The following GON4L variants were observed in gnomAD, a reference collection of about 807,000 sequenced individuals.
The protein encoded by GON4L is GON-4-like protein.
In GON4L, 87 loss-of-function variants were observed where a neutral mutation model predicts 211.8. The ratio of observed to expected loss-of-function variants is 0.41; its 90% confidence interval spans 0.35 to 0.49. GON4L has a LOEUF of 0.49. GON4L is among the 20% of genes least tolerant of loss of function. The probability of loss-of-function intolerance (pLI) is 0.15; values close to 1 mark genes in which losing one functional copy is unlikely to be tolerated. For missense variants in GON4L, 2,155 were observed against 2,659.5 expected (o/e 0.81, Z 4.17); for synonymous variants, 875 against 962.6 (o/e 0.91, Z 1.68).
intron 27 of GON4L, among the ~76,000 whole-genome samples, chr1:155,756,319 C>A (rs1488231949): frequency 1.3e-5 from 2 of 152,044 alleles, no homozygotes; most frequent in Non-Finnish European, 2.9e-5. Flanking sequence ...CCTCAATTGG[C>A]TCTATTTTCT....
chr1:155,813,542 T>C, intron 10 of GON4L, 92 bp downstream of exon 10: 1 of 918,714 alleles, frequency 1.1e-6, no homozygotes, highest in South Asian at 1.3e-5. Context: ...TTATATAAAA[T>C]TGTAGTTATC....
intron 23 of GON4L, among the ~76,000 whole-genome samples, chr1:155,761,497 A>AT (rs534585899): frequency 0.072 from 9,267 of 129,342 alleles, 403 homozygotes; most frequent in African/African-American, 0.12. Flanking sequence ...AGCCTGGTTC[A>AT]TTTTTTTTTT....
intron 17 of GON4L, 71 bp from the exon 18 acceptor site, chr1:155,773,281 C>T (rs1470881449): frequency 7.6e-6 from 12 of 1,570,886 alleles, no homozygotes; most frequent in African/African-American, 1.4e-5. Context: ...CCTGTGAATG[C>T]ATTTTTGCAT....
intron 9 of GON4L, 45 bp downstream of exon 9, chr1:155,814,285 T>A: frequency 6.4e-6 from 10 of 1,560,300 alleles, no homozygotes; most frequent in Non-Finnish European, 8.8e-6. Context: ...AAAAATCTAC[T>A]TAGACAGTTA....
At chr1:155,748,929 T>G, downstream of GON4L, 2 of 876,946 alleles carry the variant, frequency 2.3e-6, no homozygotes, top group Non-Finnish European at 3.5e-6. Context: ...AATATCTTGA[T>G]CCAGCTGATG....
At position 155,822,419 on chromosome 1, in the gene GON4L, C is replaced by G. The variant is rs755744668; in HGVS notation, c.755G>C (p.Arg252Thr). ...KRRKKKKGTKRKRDGRGQEGT... is the reference protein window; with the variant it reads ...KRRKKKKGTKTKRDGRGQEGT... Reference sequence around the variant, plus strand: ...TTCTTGACCCCTTCCATCTCGTTTCCTCTTGGTACCCTTTTTCTTTTTTCT... The same window carrying G: ...TTCTTGACCCCTTCCATCTCGTTTCGTCTTGGTACCCTTTTTCTTTTTTCT... The change falls in exon 4 of 32, where the codon AGG becomes ACG. Residue 252 changes from arginine to threonine, a missense_variant. Arg to Thr is a moderately conservative substitution (Grantham distance 71). Coordinates refer to ENST00000368331, the MANE Select transcript of GON4L (RefSeq NM_001282860.2). 4 of 1,613,938 alleles carry G rather than the reference C, an allele frequency of 2.5e-6. No homozygotes were observed. The highest frequency in any genetic ancestry group is 3.3e-4 in the Middle Eastern group (2 of 6,062).
At chr1:155,785,425 A>C (rs1664842805) in intron 12 of GON4L, 51 bp from the exon 13 acceptor site, 1 of 1,221,436 alleles carries the variant, frequency 8.2e-7, no homozygotes, top group African/African-American at 1.5e-5. Context: ...ATTTTACAAT[A>C]AGGAGGAATT....
At chr1:155,855,594 T>C (rs958067495) in intron 1 of GON4L, among the ~76,000 whole-genome samples, 2 of 152,166 alleles carry the variant, frequency 1.3e-5, no homozygotes, top group East Asian at 1.9e-4. Context: ...CTGAATATTG[T>C]AGATACTCAA....
chr1:155,776,985 C>T (rs922679417), intron 15 of GON4L, among the ~76,000 whole-genome samples: 3 of 152,076 alleles, frequency 2.0e-5, no homozygotes, highest in African/African-American at 7.2e-5. Flanking sequence ...ATGACAGAAC[C>T]AGAGGAAGCT....
intron 14 of GON4L, among the ~76,000 whole-genome samples, chr1:155,778,951 C>T (rs555764593): frequency 1.3e-5 from 2 of 152,096 alleles, no homozygotes; most frequent in East Asian, 1.9e-4. Flanking sequence ...GCTGTAATAT[C>T]GGGGATTCCT....
chr1:155,825,958 G>A (rs1173652988), intron 3 of GON4L, among the ~76,000 whole-genome samples: 2 of 151,928 alleles, frequency 1.3e-5, no homozygotes, highest in Non-Finnish European at 2.9e-5. Flanking sequence ...CGGGAGAATC[G>A]CTTGAACCTG....
intron 13 of GON4L, 90 bp downstream of exon 13, chr1:155,785,244 C>A: frequency 1.2e-6 from 1 of 856,108 alleles, no homozygotes; most frequent in Non-Finnish European, 2.1e-6. Flanking sequence ...GACCCCCTCT[C>A]CTAGAGGGAG....
intron 12 of GON4L, among the ~76,000 whole-genome samples, chr1:155,788,661 G>T (rs1421300136): frequency 6.6e-6 from 1 of 152,066 alleles, no homozygotes; most frequent in Admixed American, 6.6e-5. Context: ...CAATATAAGG[G>T]AACAAACTAA....
At chr1:155,788,084 C>A (rs546452178) in intron 12 of GON4L, among the ~76,000 whole-genome samples, 3 of 152,214 alleles carry the variant, frequency 2.0e-5, no homozygotes, top group African/African-American at 4.8e-5. Context: ...CTCCACCTTC[C>A]GGCTTCAAGC....
intron 3 of GON4L, among the ~76,000 whole-genome samples, chr1:155,825,327 C>A (rs1341726743): frequency 6.6e-6 from 1 of 151,902 alleles, no homozygotes; most frequent in Admixed American, 6.6e-5. Context: ...AATCCTAGCA[C>A]CTTGGGAGGC....
At position 155,750,558 on chromosome 1, in the gene GON4L, G is replaced by C. The variant is rs771147187; in HGVS notation, c.*26C>G. ...GGTGCCAGGGCGCCTGTTGGGTTTGGTCCTGTGTAGATGATTCCCAGAGTC... is the reference window on the plus strand; with the variant it reads ...GGTGCCAGGGCGCCTGTTGGGTTTGCTCCTGTGTAGATGATTCCCAGAGTC... On this transcript the variant is annotated 3_prime_UTR_variant, in exon 32 of 32. Coordinates refer to ENST00000368331, the MANE Select transcript of GON4L (RefSeq NM_001282860.2). The C allele has an allele frequency of 6.4e-7, 1 of 1,574,046 alleles. No individual in the cohort carries two copies. The highest frequency in any genetic ancestry group is 1.4e-5 in the African/African-American group (1 of 74,062).
At chr1:155,801,414 C>A (rs191095516) in intron 11 of GON4L, among the ~76,000 whole-genome samples, 188 of 152,096 alleles carry the variant, frequency 1.2e-3, no homozygotes, top group African/African-American at 4.4e-3. Flanking sequence ...CTATACTTTG[C>A]ATGTTAATGA....
At chr1:155,785,227 T>C (rs1664823130) in intron 13 of GON4L, 107 bp downstream of exon 13, 2 of 809,756 alleles carry the variant, frequency 2.5e-6, no homozygotes, top group Non-Finnish European at 4.5e-6. Context: ...GAGAATTGGT[T>C]CAGTCAGACC....
chr1:155,760,467 C>T lies in GON4L; in HGVS notation c.5086G>A (p.Glu1696Lys), dbSNP rs768837396. 1 of 1,610,154 alleles carries T rather than the reference C, an allele frequency of 6.2e-7. No homozygotes were observed. The highest frequency in any genetic ancestry group is 8.5e-7 in the Non-Finnish European group (1 of 1,176,770). Residue 1696 changes from glutamate to lysine, a missense_variant, in exon 24 of 32, where the codon GAG becomes AAG. Glu to Lys is a moderately conservative substitution (Grantham distance 56). This residue lies in a region of GON4L where 455 missense variants were observed against 504.6 expected (regional missense o/e 0.90). Transcript: ENST00000368331. Reference sequence around the variant, plus strand: ...ACTAATCCACAGGCCAGAGCTTGCTCAGGTAACAGGAAAGCAGCAAAGTCT... The same window carrying T: ...ACTAATCCACAGGCCAGAGCTTGCTTAGGTAACAGGAAAGCAGCAAAGTCT... Reference protein sequence around the residue: ...LKDFAAFLLPEQALACGLFEE... With the variant: ...LKDFAAFLLPKQALACGLFEE...
Sources: allele counts gnomAD v4.1 joint callset (sites outside exome capture counted in the v4.1 genomes callset), GRCh38; gene constraint gnomAD v4.1.1; regional missense constraint gnomAD v4.1.1; transcripts MANE v1.5; gene names NCBI Gene and HGNC (gene_info 2026-07-23, HGNC 2026-07-21).